Variants in SHC2 observed in about 807,000 individuals in gnomAD.
SHC2 encodes SHC-transforming protein 2.
Under a neutral mutation model 60.6 loss-of-function variants are expected in SHC2, and 62 were observed. The observed-to-expected ratio is 1.02, with a 90% confidence interval of 0.83 to 1.26. The LOEUF (loss-of-function observed/expected upper bound fraction) is 1.26, where lower values mean the gene tolerates loss of function less well. SHC2 is among the 50% of genes most tolerant of loss of function. The pLI is 0.00. For synonymous variants in SHC2, 375 were observed against 372.4 expected (o/e 1.01, Z -0.08); for missense variants, 873 against 822.2 (o/e 1.06, Z -0.76).
intron 11 of SHC2, chr19:419,585 G>A (rs1252257425): frequency 1.3e-5 from 2 of 152,404 alleles, no homozygotes; most frequent in African/African-American, 4.8e-5. Context: ...GGCTCCCTCA[G>A]AGCCTCCGGA....
intron 1 of SHC2, among the ~76,000 whole-genome samples, chr19:456,736 C>T (rs72486328): frequency 0.025 from 3,816 of 150,280 alleles, 158 homozygotes; most frequent in East Asian, 0.17. Flanking sequence ...CAAACTCCAC[C>T]GCGTCAGGCC....
intron 1 of SHC2, among the ~76,000 whole-genome samples, chr19:448,134 T>C (rs1221370956): frequency 6.6e-6 from 1 of 152,168 alleles, no homozygotes; most frequent in Non-Finnish European, 1.5e-5. Context: ...GAGTCCCAAT[T>C]CCACGAGTCC....
rs1178108556 is a variant in SHC2, at chr19:424,034, G to A, written c.1309+1063C>T. On this transcript the variant is annotated intron_variant, in intron 10 of 12. Coordinates refer to ENST00000264554, the MANE Select transcript of SHC2 (RefSeq NM_012435.3). The surrounding 1 kb of genome is among the most constrained non-coding windows in gnomAD (Gnocchi z 4.5). The stretch of plus-strand genomic sequence containing the variant: ...ATGGTGTCATTATTGTGAAGCTGAG[G>A]AGAAGCTGCTTTGTCAGGTGGTGGA... 1.3e-5 allele frequency among the ~76,000 whole-genome samples: 2 copies of A among 152,202 alleles called. No homozygotes were observed. Among genetic ancestry groups the A allele is most frequent in the Admixed American group, 6.5e-5 (1 of 15,290 alleles).
rs201697130 is a variant in SHC2, at chr19:440,785, C to CGCTGCCGCCCTCCAGT, written c.539+61_539+76dup. 24 of 1,304,480 alleles carry CGCTGCCGCCCTCCAGT rather than the reference C, an allele frequency of 1.8e-5. No individual in the cohort carries two copies. Among genetic ancestry groups the CGCTGCCGCCCTCCAGT allele is most frequent in the Middle Eastern group, 2.0e-4 (1 of 5,090 alleles). The allele number at this position is 1,304,480 out of a possible 1,614,324, so 80.8% of individuals were successfully genotyped here. A position where few individuals can be genotyped will look rare whatever the true frequency, so the allele number is the denominator to read the frequency against. On this transcript the variant is annotated intron_variant, in intron 2 of 12. Coordinates refer to ENST00000264554, the MANE Select transcript of SHC2 (RefSeq NM_012435.3). The surrounding 1 kb of genome is among the most constrained non-coding windows in gnomAD (Gnocchi z 7.0). ...CCAGCGCGGCTGTCGGAGAGCCCAT[C>CGCTGCCGCCCTCCAGT]GCTGCCGCCCTCCAGTGCTGCCGCC...
At chr19:427,074 C>A (rs1002205978) in intron 9 of SHC2, among the ~76,000 whole-genome samples, 1 of 152,222 alleles carries the variant, frequency 6.6e-6, no homozygotes, top group East Asian at 1.9e-4. Context: ...GAGGAACGTG[C>A]GCCAGGACCA....
chr19:433,497 G>A (rs1450595277), intron 8 of SHC2, among the ~76,000 whole-genome samples: 5 of 21,172 alleles, frequency 2.4e-4, no homozygotes, highest in Admixed American at 3.7e-4. Context: ...AGAGGAGGCC[G>A]GGCAGATAGA....
intron 9 of SHC2, among the ~76,000 whole-genome samples, chr19:429,746 A>G (rs36079261): frequency 0.033 from 4,285 of 128,280 alleles, 257 homozygotes; most frequent in East Asian, 0.28. Context: ...TATACCCAAC[A>G]TGCTCGGAAA....
At chr19:449,899 A>G (rs1975137603) in intron 1 of SHC2, among the ~76,000 whole-genome samples, 1 of 152,224 alleles carries the variant, frequency 6.6e-6, no homozygotes, top group Admixed American at 6.5e-5. Context: ...TAGAATTCCA[A>G]ACTTACAAAA....
rs1974359364 is a variant in SHC2 at position 424,494 on chromosome 19, C to A, written c.1309+603G>T. On this transcript the variant is annotated intron_variant, in intron 10 of 12. Coordinates refer to ENST00000264554, the MANE Select transcript of SHC2 (RefSeq NM_012435.3). This position sits in a 1 kb window ranked among gnomAD's most constrained non-coding sequence, Gnocchi z 4.5. ...CAAGACCAGCGGGCCAGGCAGTCGT[C>A]CCAGCAGGCCGGGATTCCCACAGAG... Among the ~76,000 whole-genome samples the A allele has an allele frequency of 6.6e-6, 1 of 152,192 alleles. No individual in the cohort carries two copies. The highest frequency in any genetic ancestry group is 2.4e-5 in the African/African-American group (1 of 41,460).
chr19:454,545 G>T (rs1975285543), intron 1 of SHC2, among the ~76,000 whole-genome samples: 1 of 152,224 alleles, frequency 6.6e-6, no homozygotes, highest in Admixed American at 6.5e-5. Context: ...CCAGCACTTT[G>T]GGAGGCGCAG....
Position 422,606 on chromosome 19 carries a change from A to G in SHC2, c.1310-150T>C, listed in dbSNP as rs1398412460. 1.2e-5 allele frequency: 8 copies of G among 660,280 alleles called. No individual in the cohort carries two copies. The highest frequency in any genetic ancestry group is 5.5e-5 in the African/African-American group (3 of 54,806). The allele number at this position is 660,280 out of a possible 1,614,324, so 40.9% of individuals were successfully genotyped here. On this transcript the variant is annotated intron_variant, in intron 10 of 12. Transcript: ENST00000264554. The surrounding 1 kb of genome is among the most constrained non-coding windows in gnomAD (Gnocchi z 5.0). ...AGCGCCCACAGCGTATCAGACTCGC[A>G]CTCTGCCCAGCCCCGTGCGTGCGGT...
At position 434,803 on chromosome 19, in the gene SHC2, T is replaced by C. The variant is rs1048432457; in HGVS notation, c.1016A>G (p.Tyr339Cys). 2 of 1,612,898 alleles carry C rather than the reference T, an allele frequency of 1.2e-6. No homozygotes were observed. The highest frequency in any genetic ancestry group is 1.7e-6 in the Non-Finnish European group (2 of 1,179,810). ...DEEDSLEHNY[Y>C]NSIPGKEPPL... ...CGGCTCCTTCCCCGGGATGCTGTTG[T>C]AGTAATTGTGCTCCAAAGAGTCCTC... is the stretch of plus-strand genomic sequence containing the variant. The change falls in exon 8 of 13, where the codon TAC becomes TGC. Residue 339 changes from tyrosine to cysteine, a missense_variant. Physicochemically the swap from Tyr to Cys is radical, Grantham distance 194. Coordinates refer to ENST00000264554, the MANE Select transcript of SHC2 (RefSeq NM_012435.3).
intron 4 of SHC2, among the ~76,000 whole-genome samples, chr19:437,201 T>C (rs1276503939): frequency 6.6e-6 from 1 of 152,166 alleles, no homozygotes; most frequent in East Asian, 1.9e-4. Flanking sequence ...CTCATCTACT[T>C]GCTCGTTTGC....
chr19:434,791 G>C lies in SHC2; in HGVS notation c.1028C>G (p.Pro343Arg). ...SLEHNYYNSI[P>R]GKEPPLGGLV... Reference sequence around the variant, plus strand: ...CCCGCCCAGCGGCGGCTCCTTCCCCGGGATGCTGTTGTAGTAATTGTGCTC... The same window carrying C: ...CCCGCCCAGCGGCGGCTCCTTCCCCCGGATGCTGTTGTAGTAATTGTGCTC... The change falls in exon 8 of 13, where the codon CCG (proline) becomes CGG (arginine). Residue 343 changes from proline to arginine, a missense_variant. By Grantham distance (103) the Pro-to-Arg change is moderately radical (BLOSUM62 -2). Transcript: ENST00000264554. 2 of 1,612,768 alleles carry C rather than the reference G, an allele frequency of 1.2e-6. No homozygotes were observed. Among genetic ancestry groups the C allele is most frequent in the Non-Finnish European group, 1.7e-6 (2 of 1,179,806 alleles).
At position 453,640 on chromosome 19, in the gene SHC2, C is replaced by T. The variant is rs908352709; in HGVS notation, c.468+6889G>A. ...CACCGTGTCAACTGGCCACACCTGACCCCTCGCCTTCAAGGAAAAGCTGCA... is the reference window on the plus strand; with the variant it reads ...CACCGTGTCAACTGGCCACACCTGATCCCTCGCCTTCAAGGAAAAGCTGCA... On this transcript the variant is annotated intron_variant, in intron 1 of 12. Coordinates refer to ENST00000264554, the MANE Select transcript of SHC2 (RefSeq NM_012435.3). The surrounding 1 kb of genome is among the most constrained non-coding windows in gnomAD (Gnocchi z 6.3). 6.6e-6 allele frequency among the ~76,000 whole-genome samples: 1 copy of T among 152,160 alleles called. No individual in the cohort carries two copies. Among genetic ancestry groups the T allele is most frequent in the African/African-American group, 2.4e-5 (1 of 41,444 alleles).
In SHC2 at chr19:438,833, G is replaced by T; in HGVS notation, c.605C>A (p.Pro202His). ...GVRGSWKKKA[P>H]NKALASVLGK... ...CAGGACGGACGCCAGGGCCTTGTTGGGGGCCTGAGTTGGGGGCGGAGCACA... is the reference window on the plus strand; with the variant it reads ...CAGGACGGACGCCAGGGCCTTGTTGTGGGCCTGAGTTGGGGGCGGAGCACA... Residue 202 changes from proline (P) to histidine (H), a missense_variant, in exon 4 of 13, where the codon CCC (proline) becomes CAC (histidine). Coordinates refer to ENST00000264554, the MANE Select transcript of SHC2 (RefSeq NM_012435.3). This position sits in a 1 kb window ranked among gnomAD's most constrained non-coding sequence, Gnocchi z 5.0. 6.4e-7 allele frequency: 1 copy of T among 1,566,522 alleles called. No homozygotes were observed. The highest frequency in any genetic ancestry group is 2.4e-5 in the East Asian group (1 of 41,976).
In SHC2 at chr19:419,063, G is replaced by C; in HGVS notation, c.1621-7C>G. 1 of 1,571,832 alleles carries C rather than the reference G, an allele frequency of 6.4e-7. No individual in the cohort carries two copies. ...GCACGTCCTTCGTCCGTACCTGCGG[G>C]ACAGAGACCTCGGCATCAGCTCCCG... On this transcript the variant is annotated splice_polypyrimidine_tract_variant and splice_region_variant and intron_variant, in intron 11 of 12. Coordinates refer to ENST00000264554, the MANE Select transcript of SHC2 (RefSeq NM_012435.3).
At chr19:423,742 C>T (rs1443914141) in intron 10 of SHC2, among the ~76,000 whole-genome samples, 1 of 152,250 alleles carries the variant, frequency 6.6e-6, no homozygotes, top group Non-Finnish European at 1.5e-5. Flanking sequence ...ATGTTCACCT[C>T]CCCCTCCCAG....
Position 460,622 on chromosome 19 carries a change from C to T in SHC2, c.375G>A (p.Trp125Ter), listed in dbSNP as rs754346794. ...TGTGGATGAAGCTGCCCTTCCGGAT[C>T]CACTCGGCGGCGGCGGCGGCGTCCC... ...GSGDAAAAAE[W>*]IRKGSFIHKP... Residue 125 changes from tryptophan (W) to a stop codon, truncating the protein, a stop_gained, in exon 1 of 13, where the codon TGG becomes TGA. Transcript: ENST00000264554. LOFTEE classifies it high-confidence loss of function. 3.0e-6 allele frequency: 4 copies of T among 1,337,754 alleles called. No homozygotes were observed. The highest frequency in any genetic ancestry group is 1.8e-5 in the South Asian group (1 of 55,708). The allele number at this position is 1,337,754 out of a possible 1,614,324, so 82.9% of individuals were successfully genotyped here. A position where few individuals can be genotyped will look rare whatever the true frequency, so the allele number is the denominator to read the frequency against.
Sources: allele counts gnomAD v4.1 joint callset (sites outside exome capture counted in the v4.1 genomes callset), GRCh38; gene constraint gnomAD v4.1.1; non-coding constraint Gnocchi (gnomAD v3.1); transcripts MANE v1.5; gene names NCBI Gene and HGNC (gene_info 2026-07-23, HGNC 2026-07-21).